The following RTN2 variants were observed in gnomAD, a reference collection of about 807,000 sequenced individuals.
The protein encoded by RTN2 is reticulon 2, also known as reticulon-2.
RTN2 carries 36 observed loss-of-function variants against 63.7 expected under a neutral mutation model. The ratio of observed to expected loss-of-function variants is 0.56; its 90% CI spans 0.43 to 0.75. The LOEUF is 0.75. Among genes scored for constraint, RTN2 ranks in the 30% least tolerant of loss-of-function variants. RTN2 has a pLI of 0.00. For synonymous variants in RTN2, 312 were observed against 313.0 expected, an observed-to-expected ratio of 1.00 and a Z score of 0.03; for missense variants, 673 against 705.1, an observed-to-expected ratio of 0.95 and a Z score of 0.52.
chr19:45,491,317 T>C (rs1599910391), intron 5 of RTN2, among the ~76,000 whole-genome samples: 1 of 150,298 alleles, frequency 6.7e-6, no homozygotes, highest in East Asian at 2.0e-4. Context: ...TACCTCGGCC[T>C]CCTAGCAGCT....
intron 1 of RTN2, 110 bp from the exon 2 acceptor site, chr19:45,495,249 T>C: frequency 7.9e-7 from 1 of 1,273,396 alleles, no homozygotes; most frequent in East Asian, 2.5e-5. Flanking sequence ...TTTTAGAACA[T>C]TCTGCACACA....
intron 1 of RTN2, among the ~76,000 whole-genome samples, chr19:45,496,008 C>T (rs992773420): frequency 1.3e-5 from 2 of 152,172 alleles, no homozygotes; most frequent in Admixed American, 6.6e-5. Flanking sequence ...TTGAAATCCC[C>T]AGCTGTCAGA....
intron 5 of RTN2, among the ~76,000 whole-genome samples, chr19:45,489,964 C>T (rs957154663): frequency 1.3e-5 from 2 of 151,808 alleles, no homozygotes; most frequent in African/African-American, 4.8e-5. Context: ...TGGGATTATA[C>T]GTGTGAGGCA....
Position 45,486,384 on chromosome 19 carries a change from A to G in RTN2, c.1498-271T>C, listed in dbSNP as rs73942906. On this transcript the variant is annotated intron_variant, in intron 9 of 10. Transcript: ENST00000245923. ...AGGCCGTGTCCTGGGCACGATGGTT[A>G]ATCTTTGAGTGAGTTTGCATACGTG... Among the ~76,000 whole-genome samples, 1,510 of 152,268 alleles carry G rather than the reference A, an allele frequency of 9.9e-3. 26 individuals carry two copies. The highest frequency in any genetic ancestry group is 0.032 in the African/African-American group (1,346 of 41,564).
Position 45,496,857 on chromosome 19 carries a change from C to T in RTN2, c.-32G>A. The T allele has an allele frequency of 2.8e-6, 4 of 1,423,074 alleles. No individual in the cohort carries two copies. Among genetic ancestry groups the T allele is most frequent in the Non-Finnish European group, 3.7e-6 (4 of 1,069,278 alleles). 88.2% of individuals were successfully genotyped at this position (1,423,074 alleles called of 1,614,324 possible). ...CCTCGGGCCTGCATCGGGACCCCCG[C>T]CCACTCCGGCTGTGCCGCCCTGGGC... On this transcript the variant is annotated 5_prime_UTR_variant, in exon 1 of 11. Coordinates refer to ENST00000245923, the MANE Select transcript of RTN2 (RefSeq NM_005619.5).
At chr19:45,496,710 G>A (rs945620083) in intron 1 of RTN2, 82 bp downstream of exon 1, 5 of 966,324 alleles carry the variant, frequency 5.2e-6, no homozygotes, top group Non-Finnish European at 7.2e-6. Context: ...GCTCTCCTGC[G>A]GGCAAGCGCC....
intron 5 of RTN2, among the ~76,000 whole-genome samples, chr19:45,490,325 A>G (rs558031220): frequency 6.6e-6 from 1 of 152,196 alleles, no homozygotes; most frequent in Admixed American, 6.5e-5. Flanking sequence ...AAAGAGCTGC[A>G]TAGTATTCTG....
rs1184433950 is a variant in RTN2, at chr19:45,485,490, G to C, written c.*218C>G. On this transcript the variant is annotated 3_prime_UTR_variant, in exon 11 of 11. Coordinates refer to ENST00000245923, the MANE Select transcript of RTN2 (RefSeq NM_005619.5). ...TCCCAGCAGGCCCCGCGGCCAAGGT[G>C]CCTCGTCTTTCCTGGACTCCTGGAG... 3.5e-6 allele frequency: 2 copies of C among 570,014 alleles called. No individual in the cohort carries two copies. Among genetic ancestry groups the C allele is most frequent in the Admixed American group, 3.0e-5 (1 of 33,028 alleles). The allele number at this position is 570,014 out of a possible 1,614,324, so 35.3% of individuals were successfully genotyped here. A position where few individuals can be genotyped will look rare whatever the true frequency, so the allele number is the denominator to read the frequency against.
chr19:45,486,495 T>TA (rs986436077), intron 9 of RTN2, among the ~76,000 whole-genome samples: 9 of 152,028 alleles, frequency 5.9e-5, no homozygotes, highest in African/African-American at 2.2e-4. Context: ...TCGTGTTTTT[T>TA]AAAAAATTAT....
Position 45,493,216 on chromosome 19 carries a change from G to A in RTN2, c.977C>T (p.Ser326Phe). ...VLRVLLKWAK[S>F]PRSSGVPSLS... is the part of the protein sequence containing the mutation. ...GCTGGGGACACCGCTGCTTCTCGGGGATTTTGCCCACTTCAGTAGAACCCG... is the reference window on the plus strand; with the variant it reads ...GCTGGGGACACCGCTGCTTCTCGGGAATTTTGCCCACTTCAGTAGAACCCG... The change falls in exon 5 of 11, where the codon TCC becomes TTC. Residue 326 changes from serine (S) to phenylalanine (F), a missense_variant. Ser to Phe is a radical substitution (Grantham distance 155). Coordinates refer to ENST00000245923, the MANE Select transcript of RTN2 (RefSeq NM_005619.5). 6.2e-7 allele frequency: 1 copy of A among 1,613,642 alleles called. No individual in the cohort carries two copies. Among genetic ancestry groups the A allele is most frequent in the Non-Finnish European group, 8.5e-7 (1 of 1,180,006 alleles).
rs1453392576 is a variant in RTN2, at chr19:45,494,918, C to T, written c.167G>A (p.Trp56Ter). Residue 56 changes from tryptophan (W) to a stop codon, truncating the protein, a stop_gained, in exon 3 of 11, where the codon TGG (tryptophan) becomes TAG (stop). Transcript: ENST00000245923. LOFTEE classifies it high-confidence loss of function. The surrounding 1 kb of genome is among the most constrained non-coding windows in gnomAD (Gnocchi z 5.3). ...GAAGGTCAGCTCCCGGGGGGTGCCCCAGTCCTGCGACGTGGTCTCCTCCTC... is the reference window on the plus strand; with the variant it reads ...GAAGGTCAGCTCCCGGGGGGTGCCCTAGTCCTGCGACGTGGTCTCCTCCTC... ...EDEEETTSQD[W>*]GTPRELTFSY... is the part of the protein sequence containing the mutation. The T allele has an allele frequency of 6.2e-7, 1 of 1,613,498 alleles. No homozygotes were observed.
In RTN2 at chr19:45,494,133, G is replaced by A. The variant is rs779299584; in HGVS notation, c.814+33C>T. 8.2e-6 allele frequency: 13 copies of A among 1,594,030 alleles called. No homozygotes were observed. Among genetic ancestry groups the A allele is most frequent in the South Asian group, 1.1e-5 (1 of 90,530 alleles). On this transcript the variant is annotated intron_variant, in intron 4 of 10. Transcript: ENST00000245923. The surrounding 1 kb of genome is among the most constrained non-coding windows in gnomAD (Gnocchi z 5.3). ...ATCCTCTCACCTTTTGCCTTCTGTG[G>A]GCCAATGCAGCATCTTCATACACGT... is the stretch of plus-strand genomic sequence containing the variant.
chr19:45,490,535 CTGTGTGTGTG>C (rs56279132), intron 5 of RTN2, among the ~76,000 whole-genome samples: 29 of 145,864 alleles, frequency 2.0e-4, no homozygotes, highest in East Asian at 6.0e-4. Flanking sequence ...GGTTGTGTGT[CTGTGTGTGTG>C]TGTGTGTGTG....
At position 45,494,247 on chromosome 19, in the gene RTN2, G is replaced by A. The variant is rs1162893244; in HGVS notation, c.733C>T (p.Pro245Ser). ...LLEEEEKQWG[P>S]LEREPVRGQC... is the part of the protein sequence containing the mutation. Reference sequence around the variant, plus strand: ...CCCCTTACTGGCTCTCGCTCCAGTGGCCCCCACTGCTTTTCTTCCTCTTCC... The same window carrying A: ...CCCCTTACTGGCTCTCGCTCCAGTGACCCCCACTGCTTTTCTTCCTCTTCC... Residue 245 changes from proline to serine, a missense_variant, in exon 4 of 11, where the codon CCA (proline) becomes TCA (serine). Physicochemically the swap from Pro to Ser is moderately conservative, Grantham distance 74 (BLOSUM62 -1). Coordinates refer to ENST00000245923, the MANE Select transcript of RTN2 (RefSeq NM_005619.5). The surrounding 1 kb of genome is among the most constrained non-coding windows in gnomAD (Gnocchi z 5.3). The A allele has an allele frequency of 4.3e-6, 7 of 1,612,942 alleles. No individual in the cohort carries two copies. In the East Asian group the frequency reaches 1.3e-4, roughly 31 times the overall value.
At chr19:45,496,116 C>G (rs1235273988) in intron 1 of RTN2, among the ~76,000 whole-genome samples, 1 of 152,140 alleles carries the variant, frequency 6.6e-6, no homozygotes, top group Non-Finnish European at 1.5e-5. Context: ...AATCCAGCCC[C>G]TTAGAGCTAG....
Position 45,488,986 on chromosome 19 carries a change from C to G in RTN2, c.1242G>C (p.Gln414His), listed in dbSNP as rs778914047. The G allele has an allele frequency of 3.1e-6, 5 of 1,610,544 alleles. No individual in the cohort carries two copies. Among genetic ancestry groups the G allele is most frequent in the South Asian group, 1.1e-5 (1 of 90,290 alleles). Residue 414 changes from glutamine to histidine, a missense_variant and splice_region_variant, in exon 7 of 11, where the codon CAG becomes CAC. Physicochemically the swap from Gln to His is conservative, Grantham distance 24. Transcript: ENST00000245923. ...GGGTGAGGTCCACATCCAGGTAGGC[C>G]CTGCGGGGACAAAGGAGTGTGGGGC... ...VHRGDGANPF[Q>H]AYLDVDLTLT...
chr19:45,487,055 T>G (rs907490009), intron 9 of RTN2, among the ~76,000 whole-genome samples: 3 of 136,718 alleles, frequency 2.2e-5, no homozygotes, highest in Non-Finnish European at 4.7e-5. Context: ...TTTTTTTTTT[T>G]TTTTTTAGAT....
rs765944441 is a variant in RTN2 at position 45,493,250 on chromosome 19, G to A, written c.943C>T (p.Pro315Ser). The A allele has an allele frequency of 1.3e-5, 21 of 1,613,698 alleles. No individual in the cohort carries two copies. Among genetic ancestry groups the A allele is most frequent in the Non-Finnish European group, 1.6e-5 (19 of 1,179,986 alleles). ...CACTTCAGTAGAACCCGGAGGACAG[G>A]AGTAGGGGGGGTGGGGCCCCTTTGG... Reference protein sequence around the residue: ...WVQRGPTPPTPVLRVLLKWAK... With the variant: ...WVQRGPTPPTSVLRVLLKWAK... The change falls in exon 5 of 11, where the codon CCT becomes TCT. Residue 315 changes from proline (P) to serine (S), a missense_variant. Pro to Ser is a moderately conservative substitution (Grantham distance 74, BLOSUM62 -1). Transcript: ENST00000245923.
chr19:45,491,249 G>C (rs2122218088), intron 5 of RTN2, among the ~76,000 whole-genome samples: 1 of 151,152 alleles, frequency 6.6e-6, no homozygotes, highest in East Asian at 2.0e-4. Context: ...TGGCTGGAGT[G>C]CAGTGGCGTG....
Sources: gnomAD v4.1 joint callset for allele counts (sites outside exome capture counted in the v4.1 genomes callset) on GRCh38, gnomAD v4.1.1 for gene constraint, Gnocchi (gnomAD v3.1) non-coding constraint, MANE v1.5 for transcripts, NCBI Gene and HGNC (gene_info 2026-07-23, HGNC 2026-07-21) for gene names.